Variants in ZNF521 observed in about 807,000 individuals in gnomAD.
ZNF521 encodes zinc finger protein 521.
Under a neutral mutation model 105.5 loss-of-function variants are expected in ZNF521, and 14 were observed. The observed-to-expected ratio is 0.13, with a 90% confidence interval of 0.09 to 0.21. ZNF521 has a LOEUF of 0.21. ZNF521 is among the 10% of genes least tolerant of loss of function. The probability of loss-of-function intolerance (pLI) is 1.00; values close to 1 mark genes in which losing one functional copy is unlikely to be tolerated. For synonymous variants in ZNF521, 635 were observed against 606.0 expected, an observed-to-expected ratio of 1.05 and a Z score of -0.70; for missense variants, 1,233 against 1,629.7, an observed-to-expected ratio of 0.76 and a Z score of 4.19.
chr18:25,293,572 T>C (rs1246298470), intron 3 of ZNF521, among the ~76,000 whole-genome samples: 1 of 152,216 alleles, frequency 6.6e-6, no homozygotes, highest in Non-Finnish European at 1.5e-5. Flanking sequence ...CAAACTTTAA[T>C]TGAGCTTCTT....
chr18:25,244,143 A>G (rs538484741), intron 3 of ZNF521, among the ~76,000 whole-genome samples: 3 of 152,226 alleles, frequency 2.0e-5, no homozygotes, highest in African/African-American at 7.2e-5. Context: ...AAGTAAGGAA[A>G]TCATAGCCAT....
intron 3 of ZNF521, among the ~76,000 whole-genome samples, chr18:25,229,344 G>C (rs1445706938): frequency 6.6e-6 from 1 of 152,108 alleles, no homozygotes; most frequent in Non-Finnish European, 1.5e-5. Flanking sequence ...ACCATTCCTG[G>C]ATCCTTGCCC....
At chr18:25,297,142 C>CACAT (rs112698467) in intron 3 of ZNF521, among the ~76,000 whole-genome samples, 1,521 of 146,294 alleles carry the variant, frequency 0.01, 26 homozygotes, top group African/African-American at 0.034. Flanking sequence ...CACACACACA[C>CACAT]ATATATATAT....
chr18:25,126,772 T>C (rs76803890), intron 5 of ZNF521, among the ~76,000 whole-genome samples: 2,181 of 152,202 alleles, frequency 0.014, 51 homozygotes, highest in African/African-American at 0.048. Context: ...TAATGTGTTA[T>C]TTGGAATGTA....
intron 3 of ZNF521, among the ~76,000 whole-genome samples, chr18:25,250,400 T>C (rs1908031171): frequency 6.6e-6 from 1 of 152,216 alleles, no homozygotes; most frequent in African/African-American, 2.4e-5. Flanking sequence ...CCATATTTAC[T>C]GTGGAATAGA....
intron 3 of ZNF521, among the ~76,000 whole-genome samples, chr18:25,249,828 A>G (rs2144841357): frequency 6.6e-6 from 1 of 152,360 alleles, no homozygotes; most frequent in East Asian, 1.9e-4. Context: ...AAAATTTACT[A>G]AAATATTACA....
intron 2 of ZNF521, among the ~76,000 whole-genome samples, chr18:25,348,061 T>C (rs1598497660): frequency 6.6e-6 from 1 of 152,232 alleles, no homozygotes; most frequent in East Asian, 1.9e-4. Flanking sequence ...AATCAGACTT[T>C]TTATCTTTTA....
At chr18:25,328,741 A>C (rs1913384840) in intron 2 of ZNF521, among the ~76,000 whole-genome samples, 1 of 151,798 alleles carries the variant, frequency 6.6e-6, no homozygotes, top group Non-Finnish European at 1.5e-5. Context: ...TTTAGTAGAG[A>C]CCAGGTTTCA....
intron 3 of ZNF521, among the ~76,000 whole-genome samples, chr18:25,274,622 C>A (rs1311583730): frequency 2.6e-5 from 4 of 152,124 alleles, no homozygotes; most frequent in African/African-American, 4.8e-5. Flanking sequence ...GAAAATGTAA[C>A]AAAGTTCAAT....
intron 3 of ZNF521, among the ~76,000 whole-genome samples, chr18:25,306,425 T>C (rs973243327): frequency 2.6e-5 from 4 of 152,186 alleles, no homozygotes; most frequent in Non-Finnish European, 4.4e-5. Flanking sequence ...CAGTAATTCC[T>C]TAGTAATAAG....
At chr18:25,113,848 T>C (rs111597505) in intron 5 of ZNF521, among the ~76,000 whole-genome samples, 1 of 149,814 alleles carries the variant, frequency 6.7e-6, no homozygotes, top group African/African-American at 2.5e-5. Flanking sequence ...CAGGCTGACA[T>C]ACTCACTCTA....
intron 7 of ZNF521, among the ~76,000 whole-genome samples, chr18:25,079,910 T>C (rs372548831): frequency 1.4e-4 from 21 of 152,350 alleles, no homozygotes; most frequent in East Asian, 1.2e-3. Context: ...TAGCCTTTTA[T>C]ATGTCTAGAA....
chr18:25,303,652 A>G (rs1377655465), intron 3 of ZNF521, among the ~76,000 whole-genome samples: 1 of 152,092 alleles, frequency 6.6e-6, no homozygotes. Context: ...CCTATTATAT[A>G]TAATTATTTA....
At chr18:25,172,596 C>A (rs2144563518) in intron 5 of ZNF521, among the ~76,000 whole-genome samples, 1 of 152,248 alleles carries the variant, frequency 6.6e-6, no homozygotes, top group East Asian at 1.9e-4. Context: ...TCTTAAAGCA[C>A]TTTTTAGTAC....
chr18:25,086,766 C>A (rs2033632321), intron 7 of ZNF521, among the ~76,000 whole-genome samples: 1 of 152,126 alleles, frequency 6.6e-6, no homozygotes, highest in African/African-American at 2.4e-5. Flanking sequence ...GAGTAAGTCT[C>A]TGTTTGGCCC....
Position 25,159,551 on chromosome 18 carries a change from T to A in ZNF521, c.3658+35609A>T, listed in dbSNP as rs1317175840. 2.6e-5 allele frequency among the ~76,000 whole-genome samples: 4 copies of A among 152,268 alleles called. No individual in the cohort carries two copies. In the East Asian group the frequency reaches 7.7e-4, roughly 29 times the overall value. ...TAGATATTTTGGGTTGTAAGATTGA[T>A]GACTAAATAACGATCACATCTGTGG... On this transcript the variant is annotated intron_variant, in intron 5 of 7. Transcript: ENST00000361524.
In ZNF521 at chr18:25,100,440, T is replaced by G. The variant is rs2033944273; in HGVS notation, c.3659-8359A>C. 1.3e-5 allele frequency among the ~76,000 whole-genome samples: 2 copies of G among 152,150 alleles called. 1 individual carries two copies. The highest frequency in any genetic ancestry group is 4.1e-4 in the South Asian group (2 of 4,828). On this transcript the variant is annotated intron_variant, in intron 5 of 7. Transcript: ENST00000361524. ...CTTCTCTCCTTCTGATTCTGTTTAT[T>G]AATAGAATCACAGTTCACCACAAAA...
intron 5 of ZNF521, among the ~76,000 whole-genome samples, chr18:25,092,605 C>T (rs1241518133): frequency 6.6e-6 from 1 of 152,164 alleles, no homozygotes; most frequent in Non-Finnish European, 1.5e-5. Context: ...CTTACAAATG[C>T]CCTTTTCTCT....
intron 5 of ZNF521, among the ~76,000 whole-genome samples, chr18:25,189,724 T>C (rs1467494913): frequency 6.6e-6 from 1 of 152,240 alleles, no homozygotes; most frequent in Non-Finnish European, 1.5e-5. Context: ...TTTGTTTAAA[T>C]GTTTTGGCTG....
Sources: gnomAD v4.1 joint callset for allele counts (sites outside exome capture counted in the v4.1 genomes callset) on GRCh38, gnomAD v4.1.1 for gene constraint, MANE v1.5 for transcripts, NCBI Gene and HGNC (gene_info 2026-07-23, HGNC 2026-07-21) for gene names.